The following DNAH5 variants were observed in gnomAD, a reference collection of about 807,000 sequenced individuals.
DNAH5 encodes dynein axonemal heavy chain 5, also known as axonemal beta dynein heavy chain 5.
In DNAH5, 372 loss-of-function variants were observed where a neutral mutation model predicts 518.2. The observed-to-expected ratio is 0.72, with a 90% CI of 0.66 to 0.78. The LOEUF is 0.78. Among genes scored for constraint, DNAH5 ranks in the 30% least tolerant of loss-of-function variants. The pLI, the probability that DNAH5 is intolerant of heterozygous loss-of-function variation, is 0.00. For missense variants in DNAH5, 5,523 were observed against 5,687.0 expected (o/e 0.97, Z 0.93); for synonymous variants, 2,039 against 2,025.9 (o/e 1.01, Z -0.17).
chr5:13,883,785 A>AT (rs1410863330), intron 19 of DNAH5, among the ~76,000 whole-genome samples: 1 of 152,224 alleles, frequency 6.6e-6, no homozygotes, highest in East Asian at 1.9e-4. Flanking sequence ...AGTTCTAATA[A>AT]TAACGCTGTG....
At chr5:13,778,562 G>T (rs1039791947) in intron 53 of DNAH5, among the ~76,000 whole-genome samples, 2 of 67,094 alleles carry the variant, frequency 3.0e-5, no homozygotes, top group Non-Finnish European at 6.4e-5. Flanking sequence ...AAGAAAGAAA[G>T]AAAGAAAGAA....
rs188628966 is a variant in DNAH5, at chr5:13,925,841, C to A, written c.277+2253G>T. 3.2e-3 allele frequency among the ~76,000 whole-genome samples: 481 copies of A among 152,274 alleles called. 1 individual carries two copies. Among genetic ancestry groups the A allele is most frequent in the African/African-American group, 0.011 (444 of 41,544 alleles). ...AAGTGTTCCTACTTTTACCTCAGGT[C>A]AAGAATGAGACTGCAACTGTCCCAG... On this transcript the variant is annotated intron_variant, in intron 3 of 78. Transcript: ENST00000265104.
chr5:13,701,507 TGA>T, intron 76 of DNAH5, 71 bp from the exon 77 acceptor site: 1 of 1,330,014 alleles, frequency 7.5e-7, no homozygotes, highest in Non-Finnish European at 1.0e-6. Flanking sequence ...CTATGTTCAC[TGA>T]AAAAAAAAAA....
chr5:13,902,266 T>C (rs1561538271), intron 12 of DNAH5, 128 bp from the exon 13 acceptor site: 2 of 702,360 alleles, frequency 2.8e-6, no homozygotes, highest in Non-Finnish European at 4.8e-6. Flanking sequence ...GAAAATTGAA[T>C]GAGCTTAAAA....
chr5:13,916,912 C>T (rs1384817038), intron 8 of DNAH5, among the ~76,000 whole-genome samples: 1 of 152,120 alleles, frequency 6.6e-6, no homozygotes, highest in Admixed American at 6.5e-5. Flanking sequence ...TATAACATCT[C>T]ATATACATCT....
At chr5:14,008,635 A>G (rs1209043735) in intron 1 of DNAH5, among the ~76,000 whole-genome samples, 2 of 151,192 alleles carry the variant, frequency 1.3e-5, no homozygotes, top group African/African-American at 4.9e-5. Context: ...CTCTGTCTCA[A>G]AAAAAAAAGA....
intron 61 of DNAH5, among the ~76,000 whole-genome samples, chr5:13,758,214 G>A (rs1751278689): frequency 1.3e-5 from 2 of 152,130 alleles, no homozygotes; most frequent in African/African-American, 4.8e-5. Context: ...AACAAAGATA[G>A]GTAAGGCACT....
At chr5:13,777,849 C>T (rs1056074288) in intron 53 of DNAH5, among the ~76,000 whole-genome samples, 5 of 152,158 alleles carry the variant, frequency 3.3e-5, no homozygotes, top group Admixed American at 2.6e-4. Context: ...TTGTATTATA[C>T]ATAAATAAAC....
chr5:14,008,002 G>A (rs28671287), intron 1 of DNAH5, among the ~76,000 whole-genome samples: 46,467 of 151,390 alleles, frequency 0.31, 7,543 homozygotes, highest in East Asian at 0.6. Flanking sequence ...GCAAAAACCC[G>A]TCTCTACTAA....
Position 13,754,302 on chromosome 5 carries a change from T to C in DNAH5, c.10456A>G (p.Met3486Val). ...CTGATGAGCGTGGAAGCTGTCTGCA[T>C]CTTGTGTCTGCATCGCTCTGCATCT... is the stretch of plus-strand genomic sequence containing the variant. ...LEDAERCRHK[M>V]QTASTLISGL... The change falls in exon 62 of 79, where the codon ATG becomes GTG. Residue 3486 changes from methionine to valine, a missense_variant. Met to Val is a conservative substitution (Grantham distance 21). Coordinates refer to ENST00000265104, the MANE Select transcript of DNAH5 (RefSeq NM_001369.3). 6.2e-7 allele frequency: 1 copy of C among 1,614,132 alleles called. No individual in the cohort carries two copies. The highest frequency in any genetic ancestry group is 1.1e-5 in the South Asian group (1 of 91,080).
chr5:13,829,535 A>C lies in DNAH5; in HGVS notation c.6419T>G (p.Leu2140Arg), dbSNP rs1443050137. The change falls in exon 38 of 79, where the codon CTG (leucine) becomes CGG (arginine). Residue 2140 changes from leucine (L) to arginine (R), a missense_variant. Physicochemically the swap from Leu to Arg is moderately radical, Grantham distance 102. Coordinates refer to ENST00000265104, the MANE Select transcript of DNAH5 (RefSeq NM_001369.3). ...CTGCTTAGAAAGCTGCTCCTCACAC[A>C]GTTTGTAGAGCGTGAAAAACTTCCT... ...LARKFFTLYKLCEEQLSKQVH... is the reference protein window; with the variant it reads ...LARKFFTLYKRCEEQLSKQVH... The C allele has an allele frequency of 6.2e-7, 1 of 1,614,070 alleles. No individual in the cohort carries two copies. The highest frequency in any genetic ancestry group is 8.5e-7 in the Non-Finnish European group (1 of 1,180,040).
intron 15 of DNAH5, chr5:13,896,674 A>T (rs534139528): frequency 6.6e-5 from 10 of 152,348 alleles, no homozygotes; most frequent in African/African-American, 2.4e-4. Context: ...ATAATAAATC[A>T]ATATCTATCT....
At chr5:13,800,626 T>C (rs1177739844) in intron 47 of DNAH5, among the ~76,000 whole-genome samples, 2 of 152,230 alleles carry the variant, frequency 1.3e-5, no homozygotes, top group Admixed American at 6.5e-5. Context: ...TTGCCTTCCC[T>C]GACTGCAGTC....
intron 1 of DNAH5, among the ~76,000 whole-genome samples, chr5:14,010,917 T>C (rs1322812705): frequency 6.0e-5 from 9 of 150,996 alleles, no homozygotes; most frequent in Admixed American, 2.0e-4. Flanking sequence ...CTGATGAAAA[T>C]ATATATGAAT....
chr5:13,829,400 A>G, intron 38 of DNAH5, 110 bp downstream of exon 38: 1 of 1,122,702 alleles, frequency 8.9e-7, no homozygotes. Context: ...CTCAGTGTCA[A>G]TAAAATCCTT....
chr5:13,917,206 C>T lies in DNAH5; in HGVS notation c.1026G>A (p.Lys342=), dbSNP rs2151986801. 2 of 1,614,020 alleles carry T rather than the reference C, an allele frequency of 1.2e-6. No homozygotes were observed. Among genetic ancestry groups the T allele is most frequent in the Non-Finnish European group, 1.7e-6 (2 of 1,179,980 alleles). ...IRITDATNEA[K]DNVKYLYTLE... ...GTGTATACAAGTATTTCACATTGTC[C>T]TTTGCTTCATTAGTTGCATCAGTGA... The change falls in exon 8 of 79, where the codon AAG becomes AAA. Residue 342 remains lysine, a synonymous_variant. Coordinates refer to ENST00000265104, the MANE Select transcript of DNAH5 (RefSeq NM_001369.3).
At chr5:13,991,795 G>A (rs1012082710) in intron 1 of DNAH5, among the ~76,000 whole-genome samples, 6 of 152,134 alleles carry the variant, frequency 3.9e-5, no homozygotes, top group African/African-American at 1.4e-4. Flanking sequence ...GCCTAAAAAC[G>A]GGAAGAGAAC....
chr5:13,842,467 GAA>G lies in DNAH5; in HGVS notation c.5272-565_5272-564del, dbSNP rs1765382603. 4.7e-5 allele frequency among the ~76,000 whole-genome samples: 5 copies of G among 107,210 alleles called. No homozygotes were observed. In the South Asian group the frequency reaches 1.2e-3, roughly 25 times the overall value. 70.3% of individuals were successfully genotyped at this position (107,210 alleles called of 152,430 possible). A position where few individuals can be genotyped will look rare whatever the true frequency, so the allele number is the denominator to read the frequency against. Reference sequence around the variant, plus strand: ...AGAAAGAAAGAAAGAAAGAAAGAAAGAAAGAAAGAAAGAAAGAGAAAGAAAAG... The same window carrying G: ...AGAAAGAAAGAAAGAAAGAAAGAAAGAGAAAGAAAGAAAGAGAAAGAAAAG... On this transcript the variant is annotated intron_variant, in intron 32 of 78. Coordinates refer to ENST00000265104, the MANE Select transcript of DNAH5 (RefSeq NM_001369.3).
rs769557047 is a variant in DNAH5, at chr5:13,792,131, G to A, written c.8311C>T (p.Arg2771Cys). The change falls in exon 50 of 79, where the codon CGC (arginine) becomes TGC (cysteine). Residue 2771 changes from arginine to cysteine, a missense_variant. Physicochemically the swap from Arg to Cys is radical, Grantham distance 180. Around this residue, in one of 3 missense-constraint regions of DNAH5, gnomAD observed 5,121 missense variants for 5,223.3 expected, o/e 0.98. Transcript: ENST00000265104. The part of the protein sequence containing the change: ...DSVTKLVPLT[R>C]RLWQMTKIKM... The stretch of plus-strand genomic sequence containing the variant: ...ATCTTGGTCATCTGCCATAGTCGGC[G>A]TGTCAGAGGCACCAATTTTGTCACA... The A allele has an allele frequency of 2.0e-5, 33 of 1,613,822 alleles. No homozygotes were observed. Among genetic ancestry groups the A allele is most frequent in the Admixed American group, 1.5e-4 (9 of 59,978 alleles).
Sources: allele counts gnomAD v4.1 joint callset (sites outside exome capture counted in the v4.1 genomes callset), GRCh38; gene constraint gnomAD v4.1.1; regional missense constraint gnomAD v4.1.1; transcripts MANE v1.5; gene names NCBI Gene and HGNC (gene_info 2026-07-23, HGNC 2026-07-21).